Variants in HIVEP1 observed in about 807,000 individuals in gnomAD.
HIVEP1 encodes the protein HIVEP zinc finger 1, also known as zinc finger protein 40.
A neutral mutation model predicts 180.0 loss-of-function variants in HIVEP1; 36 were observed. The observed-to-expected ratio is 0.20, with a 90% CI of 0.15 to 0.26. The LOEUF is 0.26. Among genes scored for constraint, HIVEP1 ranks in the 10% least tolerant of loss-of-function variants. HIVEP1 has a pLI of 1.00. For missense variants in HIVEP1, 3,143 were observed against 3,268.7 expected, an observed-to-expected ratio of 0.96 and a Z score of 0.94; for synonymous variants, 1,239 against 1,239.0, an observed-to-expected ratio of 1.00 and a Z score of 0.00.
chr6:12,087,667 T>C (rs1478292676), intron 2 of HIVEP1, among the ~76,000 whole-genome samples: 2 of 152,158 alleles, frequency 1.3e-5, no homozygotes, highest in Non-Finnish European at 2.9e-5. Context: ...ACGGATTTCA[T>C]GCAAGCATTC....
intron 8 of HIVEP1, among the ~76,000 whole-genome samples, chr6:12,162,521 TCAC>T (rs1213290864): frequency 6.6e-6 from 1 of 152,226 alleles, no homozygotes; most frequent in Non-Finnish European, 1.5e-5. Flanking sequence ...CTCTGAAAAG[TCAC>T]GCTCCATGTG....
the HIVEP1 span, among the ~76,000 whole-genome samples, chr6:12,178,966 A>G: frequency 2.0e-5 from 3 of 152,242 alleles, no homozygotes; most frequent in Non-Finnish European, 2.9e-5. Flanking sequence ...TTGAGATAAA[A>G]TAACCAGTTG....
chr6:12,103,340 A>G (rs1774222531), intron 3 of HIVEP1, among the ~76,000 whole-genome samples: 1 of 152,186 alleles, frequency 6.6e-6, no homozygotes, highest in Admixed American at 6.5e-5. Context: ...TTTTGCAGAT[A>G]ATGAAGGCTC....
At chr6:12,028,806 C>A (rs1768748577) in intron 2 of HIVEP1, among the ~76,000 whole-genome samples, 1 of 152,122 alleles carries the variant, frequency 6.6e-6, no homozygotes, top group Admixed American at 6.5e-5. Flanking sequence ...TACCACAGTC[C>A]AGTTTTAGAA....
the HIVEP1 span, among the ~76,000 whole-genome samples, chr6:12,188,205 A>G: frequency 6.6e-6 from 1 of 152,214 alleles, no homozygotes; most frequent in Non-Finnish European, 1.5e-5. Flanking sequence ...GCCACAACCA[A>G]ATGGGGTTCA....
chr6:12,008,395 G>A (rs1399203639), upstream of HIVEP1: 1 of 152,226 alleles, frequency 6.6e-6, no homozygotes, highest in East Asian at 1.9e-4. Flanking sequence ...TGCTACGGGT[G>A]GAGGGAAAAT....
chr6:12,187,411 T>C, the HIVEP1 span, among the ~76,000 whole-genome samples: 1 of 151,944 alleles, frequency 6.6e-6, no homozygotes, highest in Non-Finnish European at 1.5e-5. Flanking sequence ...CAGGAACTGA[T>C]TGTTAAAGAG....
chr6:12,181,427 T>C, the HIVEP1 span, among the ~76,000 whole-genome samples: 2 of 152,004 alleles, frequency 1.3e-5, no homozygotes, highest in Non-Finnish European at 2.9e-5. Context: ...TCTCACTCTA[T>C]TGCCCAGGAT....
At chr6:12,137,126 G>C (rs1325557414) in intron 7 of HIVEP1, among the ~76,000 whole-genome samples, 1 of 152,180 alleles carries the variant, frequency 6.6e-6, no homozygotes, top group Non-Finnish European at 1.5e-5. Flanking sequence ...CACGTCTTCA[G>C]TGATACAGAG....
chr6:12,132,857 C>T (rs895142244), intron 6 of HIVEP1, among the ~76,000 whole-genome samples: 5 of 152,056 alleles, frequency 3.3e-5, no homozygotes, highest in East Asian at 3.8e-4. Flanking sequence ...CTTTTTTTTA[C>T]GGTCAGCTTC....
chr6:12,042,939 A>G (rs1455453144), intron 2 of HIVEP1, among the ~76,000 whole-genome samples: 5 of 152,142 alleles, frequency 3.3e-5, no homozygotes, highest in African/African-American at 1.2e-4. Context: ...ATTTTTGTGT[A>G]TGTCATGAGG....
At chr6:12,083,761 C>A (rs1460845937) in intron 2 of HIVEP1, among the ~76,000 whole-genome samples, 3 of 152,138 alleles carry the variant, frequency 2.0e-5, no homozygotes, top group Admixed American at 2.0e-4. Flanking sequence ...ACGATTTAAT[C>A]AAGTACATTT....
At chr6:12,085,403 C>T (rs548283392) in intron 2 of HIVEP1, among the ~76,000 whole-genome samples, 1 of 152,154 alleles carries the variant, frequency 6.6e-6, no homozygotes, top group Non-Finnish European at 1.5e-5. Flanking sequence ...GAAGAGAGAA[C>T]AGAAGTGGCA....
intron 2 of HIVEP1, among the ~76,000 whole-genome samples, chr6:12,032,261 C>T (rs1281623434): frequency 4.6e-5 from 7 of 151,738 alleles, no homozygotes; most frequent in Admixed American, 4.6e-4. Context: ...CTGTCTCAGC[C>T]TCCCAAGTAG....
upstream of HIVEP1, chr6:12,011,957 C>T (rs1767354458): frequency 4.1e-5 from 6 of 145,144 alleles, no homozygotes; most frequent in Middle Eastern, 3.5e-3. Flanking sequence ...GCGGGAAAGC[C>T]TCCGACCTTC....
chr6:12,167,367 A>G (rs1298359344), downstream of HIVEP1, among the ~76,000 whole-genome samples: 2 of 151,748 alleles, frequency 1.3e-5, no homozygotes, highest in African/African-American at 2.4e-5. Flanking sequence ...AGTCAACTTC[A>G]AATAATACCA....
chr6:12,159,394 CA>C (rs35991222), intron 7 of HIVEP1, among the ~76,000 whole-genome samples: 276 of 142,800 alleles, frequency 1.9e-3, no homozygotes, highest in African/African-American at 2.8e-3. Flanking sequence ...GATGCGTCTC[CA>C]AAAAAAAAAA....
chr6:12,065,480 T>A (rs1022771835), intron 2 of HIVEP1, among the ~76,000 whole-genome samples: 3 of 152,150 alleles, frequency 2.0e-5, no homozygotes, highest in Admixed American at 2.0e-4. Context: ...GACGCCCTTT[T>A]GATACACACA....
chr6:12,149,260 C>CT (rs1759546966), intron 7 of HIVEP1, among the ~76,000 whole-genome samples: 1 of 152,046 alleles, frequency 6.6e-6, no homozygotes, highest in Non-Finnish European at 1.5e-5. Context: ...TGGGGTAAAC[C>CT]TTTTTTTAAA....
Sources: gnomAD v4.1 joint callset for allele counts (sites outside exome capture counted in the v4.1 genomes callset) on GRCh38, gnomAD v4.1.1 for gene constraint, MANE v1.5 for transcripts, NCBI Gene and HGNC (gene_info 2026-07-23, HGNC 2026-07-21) for gene names.